The following TMOD1 variants were observed in gnomAD, a reference collection of about 807,000 sequenced individuals.
TMOD1 encodes tropomodulin-1.
In TMOD1, 17 loss-of-function variants were observed where a neutral mutation model predicts 40.6. The observed-to-expected ratio is 0.42, with a 90% confidence interval of 0.29 to 0.63. The LOEUF (loss-of-function observed/expected upper bound fraction) is 0.63, where lower values mean the gene tolerates loss of function less well. Ranked by LOEUF, TMOD1 falls within the 20% of genes least tolerant of loss-of-function variation. The pLI is 0.22. For synonymous variants in TMOD1, 181 were observed against 175.0 expected (o/e 1.03, Z -0.27); for missense variants, 391 against 447.6 (o/e 0.87, Z 1.14).
intron 9 of TMOD1, 109 bp from the exon 10 acceptor site, chr9:97,599,525 C>CT: frequency 7.2e-7 from 1 of 1,380,488 alleles, no homozygotes; most frequent in Non-Finnish European, 1.0e-6. Context: ...ACTTCAGACT[C>CT]TGTTAACAAA....
At chr9:97,592,636 T>C (rs1826024857) in intron 9 of TMOD1, among the ~76,000 whole-genome samples, 1 of 152,166 alleles carries the variant, frequency 6.6e-6, no homozygotes, top group African/African-American at 2.4e-5. Flanking sequence ...GCCAGGTCAC[T>C]ACCTGGAAGC....
intron 1 of TMOD1, among the ~76,000 whole-genome samples, chr9:97,522,553 G>T (rs973589640): frequency 1.3e-5 from 2 of 151,996 alleles, no homozygotes; most frequent in African/African-American, 4.8e-5. Context: ...ACTTTTATTT[G>T]TATTTTATTT....
rs553807063 is a variant in TMOD1 at position 97,505,517 on chromosome 9, A to G, written c.-49+3714A>G. On this transcript the variant is annotated intron_variant, in intron 1 of 9. Coordinates refer to ENST00000259365, the MANE Select transcript of TMOD1 (RefSeq NM_003275.4). ...AAGGAAAGCAGAACTGCCTCTGGGCATCCTTCAGCCTCCTTCATAGACTCA... is the reference window on the plus strand; with the variant it reads ...AAGGAAAGCAGAACTGCCTCTGGGCGTCCTTCAGCCTCCTTCATAGACTCA... 6.6e-5 allele frequency among the ~76,000 whole-genome samples: 10 copies of G among 152,290 alleles called. No homozygotes were observed. The East Asian group carries it at 1.9e-3, about 29-fold the overall frequency.
chr9:97,583,980 GT>G (rs1055849635), intron 8 of TMOD1, among the ~76,000 whole-genome samples: 29 of 151,766 alleles, frequency 1.9e-4, no homozygotes, highest in African/African-American at 6.8e-4. Flanking sequence ...TTTTTGAAGG[GT>G]TTTTTTTGTC....
intron 4 of TMOD1, among the ~76,000 whole-genome samples, chr9:97,553,642 G>C (rs1830486070): frequency 6.6e-6 from 1 of 152,178 alleles, no homozygotes; most frequent in South Asian, 2.1e-4. Flanking sequence ...CCCCATGCCA[G>C]AGGGACGTGG....
At chr9:97,595,993 G>C (rs1282237952) in intron 9 of TMOD1, among the ~76,000 whole-genome samples, 1 of 151,938 alleles carries the variant, frequency 6.6e-6, no homozygotes, top group Admixed American at 6.6e-5. Context: ...AGGATCGCTT[G>C]AACCCGGGAG....
At chr9:97,528,597 G>T (rs1440326181) in intron 2 of TMOD1, among the ~76,000 whole-genome samples, 3 of 152,208 alleles carry the variant, frequency 2.0e-5, no homozygotes, top group Non-Finnish European at 2.9e-5. Flanking sequence ...CCTTCTTTTG[G>T]AGAGCACAAA....
chr9:97,534,436 G>A (rs745305738), intron 2 of TMOD1, among the ~76,000 whole-genome samples: 15 of 152,164 alleles, frequency 9.9e-5, no homozygotes, highest in Admixed American at 3.9e-4. Flanking sequence ...CAAAACCCAC[G>A]ACAGTGAACC....
intron 1 of TMOD1, among the ~76,000 whole-genome samples, chr9:97,517,347 A>T (rs1829828364): frequency 6.6e-6 from 1 of 151,998 alleles, no homozygotes; most frequent in Non-Finnish European, 1.5e-5. Flanking sequence ...AAAAAAAAAA[A>T]AGTTTAAAAT....
intron 4 of TMOD1, among the ~76,000 whole-genome samples, chr9:97,560,663 T>G (rs1408027308): frequency 1.9e-5 from 2 of 107,332 alleles, no homozygotes; most frequent in Non-Finnish European, 4.1e-5. Context: ...CAATATTTTT[T>G]GTATTGTATA....
At chr9:97,544,061 G>C (rs1414760339) in intron 2 of TMOD1, among the ~76,000 whole-genome samples, 1 of 152,068 alleles carries the variant, frequency 6.6e-6, no homozygotes, top group Non-Finnish European at 1.5e-5. Context: ...AAATCTCTCT[G>C]CAAGTACACC....
chr9:97,565,038 T>C (rs1417122501), intron 6 of TMOD1, among the ~76,000 whole-genome samples: 1 of 152,208 alleles, frequency 6.6e-6, no homozygotes, highest in Non-Finnish European at 1.5e-5. Flanking sequence ...AAAGTGACGC[T>C]CTGAGAGATT....
At chr9:97,578,351 C>T (rs1275883998) in intron 8 of TMOD1, among the ~76,000 whole-genome samples, 1 of 152,162 alleles carries the variant, frequency 6.6e-6, no homozygotes, top group Non-Finnish European at 1.5e-5. Context: ...CCGTGCCCGG[C>T]CGAAGCTTCT....
intron 3 of TMOD1, among the ~76,000 whole-genome samples, chr9:97,547,175 C>T (rs142715758): frequency 8.9e-4 from 135 of 152,214 alleles, no homozygotes; most frequent in Non-Finnish European, 1.4e-3. Context: ...CCTGACCATC[C>T]ATTCTAAGAC....
intron 8 of TMOD1, among the ~76,000 whole-genome samples, chr9:97,572,838 A>T (rs1830842671): frequency 1.3e-5 from 2 of 152,172 alleles, no homozygotes; most frequent in Admixed American, 1.3e-4. Context: ...TTTGGGAACC[A>T]GGACTTTGAA....
chr9:97,569,189 C>T, intron 8 of TMOD1, 152 bp downstream of exon 8: 1 of 892,672 alleles, frequency 1.1e-6, no homozygotes, highest in Non-Finnish European at 1.7e-6. Flanking sequence ...AAGTTCACAC[C>T]CTCTACCACG....
intron 6 of TMOD1, among the ~76,000 whole-genome samples, chr9:97,564,831 C>T (rs1436463029): frequency 6.6e-6 from 1 of 151,340 alleles, no homozygotes; most frequent in African/African-American, 2.4e-5. Flanking sequence ...CCTGCTGAGC[C>T]CAGAGACCAG....
At chr9:97,515,535 C>T (rs1267940231) in intron 1 of TMOD1, among the ~76,000 whole-genome samples, 2 of 152,328 alleles carry the variant, frequency 1.3e-5, no homozygotes, top group Non-Finnish European at 2.9e-5. Flanking sequence ...CCACCTCAGC[C>T]TCCCAAAATG....
chr9:97,547,043 T>C (rs1217293808), intron 3 of TMOD1, among the ~76,000 whole-genome samples: 3 of 151,368 alleles, frequency 2.0e-5, no homozygotes, highest in Non-Finnish European at 4.4e-5. Flanking sequence ...TTCTCTCTGC[T>C]CTTTCTCCAA....
Sources: gnomAD v4.1 joint callset for allele counts (sites outside exome capture counted in the v4.1 genomes callset) on GRCh38, gnomAD v4.1.1 for gene constraint, MANE v1.5 for transcripts, NCBI Gene and HGNC (gene_info 2026-07-23, HGNC 2026-07-21) for gene names.